The following ATP10D variants were observed in gnomAD, a reference collection of about 807,000 sequenced individuals.
ATP10D encodes the protein phospholipid-transporting ATPase VD.
Under a neutral mutation model 144.8 loss-of-function variants are expected in ATP10D, and 89 were observed. The observed-to-expected ratio is 0.61, with a 90% CI of 0.52 to 0.73. The LOEUF (loss-of-function observed/expected upper bound fraction) is 0.73. ATP10D is among the 30% of genes least tolerant of loss of function. The pLI is 0.00. For missense variants in ATP10D, 1,603 were observed against 1,714.8 expected, an observed-to-expected ratio of 0.93 and a Z score of 1.15; for synonymous variants, 571 against 615.1, an observed-to-expected ratio of 0.93 and a Z score of 1.06.
chr4:47,590,490 G>T (rs372075863), intron 22 of ATP10D, among the ~76,000 whole-genome samples: 14 of 152,236 alleles, frequency 9.2e-5, no homozygotes, highest in African/African-American at 3.4e-4. Context: ...ACCAGGAAAA[G>T]AAATGAGGTT....
chr4:47,590,967 G>C, intron 22 of ATP10D, 75 bp from the exon 23 acceptor site: 1 of 1,084,758 alleles, frequency 9.2e-7, no homozygotes, highest in Non-Finnish European at 1.3e-6. Context: ...TTTTTAATTC[G>C]TTAGTATTTG....
chr4:47,489,017 A>G (rs1254162079), intron 1 of ATP10D, among the ~76,000 whole-genome samples: 1 of 152,212 alleles, frequency 6.6e-6, no homozygotes, highest in Non-Finnish European at 1.5e-5. Flanking sequence ...TTGATTGTTT[A>G]CAAATCACCT....
At chr4:47,507,960 G>C (rs183221605) in intron 1 of ATP10D, among the ~76,000 whole-genome samples, 2 of 152,178 alleles carry the variant, frequency 1.3e-5, no homozygotes, top group South Asian at 4.1e-4. Flanking sequence ...GAGGTGCAAA[G>C]TGTACACTAT....
chr4:47,542,382 CCACCA>C (rs1718182581), intron 9 of ATP10D, among the ~76,000 whole-genome samples: 1 of 152,002 alleles, frequency 6.6e-6, no homozygotes, highest in African/African-American at 2.4e-5. Flanking sequence ...CAGGTGTAAG[CCACCA>C]CACCTGGCTT....
intron 1 of ATP10D, among the ~76,000 whole-genome samples, chr4:47,509,190 C>A (rs540971436): frequency 6.6e-6 from 1 of 152,232 alleles, no homozygotes; most frequent in African/African-American, 2.4e-5. Context: ...ATTCTGTTTT[C>A]TTCTTCTTTT....
At chr4:47,516,406 A>G (rs1162071042) in intron 3 of ATP10D, among the ~76,000 whole-genome samples, 1 of 152,202 alleles carries the variant, frequency 6.6e-6, no homozygotes, top group African/African-American at 2.4e-5. Flanking sequence ...TAGAGAGTCT[A>G]TGTAGCCAAG....
chr4:47,504,587 G>T (rs1220593802), intron 1 of ATP10D, among the ~76,000 whole-genome samples: 1 of 152,002 alleles, frequency 6.6e-6, no homozygotes, highest in East Asian at 1.9e-4. Context: ...TTTTGAGATG[G>T]AGTCTCACTC....
At chr4:47,579,675 C>G (rs1720412994) in intron 19 of ATP10D, among the ~76,000 whole-genome samples, 2 of 152,180 alleles carry the variant, frequency 1.3e-5, no homozygotes, top group Admixed American at 6.5e-5. Flanking sequence ...GTTGCAGAAT[C>G]AAAACGGCAA....
rs1717872054 is a variant in ATP10D at position 47,536,736 on chromosome 4, A to G, written c.1194A>G (p.Gly398=). The G allele has an allele frequency of 1.2e-6, 2 of 1,613,282 alleles. No individual in the cohort carries two copies. Among genetic ancestry groups the G allele is most frequent in the Non-Finnish European group, 1.7e-6 (2 of 1,179,654 alleles). The change falls in exon 9 of 23, where the codon GGA becomes GGG. Residue 398 remains glycine, a synonymous_variant. Transcript: ENST00000273859. ...TTTCCATCGAAATTGTGAAGCTTGG[A>G]CAAATATATTTCATTCAAAGTGATG... ...LYVSIEIVKL[G]QIYFIQSDVD...
At chr4:47,523,255 T>A (rs1440434023) in intron 4 of ATP10D, 39 bp downstream of exon 4, 1 of 1,536,076 alleles carries the variant, frequency 6.5e-7, no homozygotes, top group Non-Finnish European at 9.0e-7. Context: ...TATTAACATT[T>A]TTTTTCAGAA....
Position 47,551,181 on chromosome 4 carries a change from C to G in ATP10D, c.1636-3545C>G, listed in dbSNP as rs150775573. On this transcript the variant is annotated intron_variant, in intron 10 of 22. Transcript: ENST00000273859. The stretch of plus-strand genomic sequence containing the variant: ...CCCCGTGTTTAAAGGTGGAAGCAGT[C>G]ACCTTCCCAGCTAGGCTTAGGGATT... 2.1e-3 allele frequency among the ~76,000 whole-genome samples: 320 copies of G among 152,300 alleles called. 3 individuals are homozygous for G. Among genetic ancestry groups the G allele is most frequent in the Middle Eastern group, 6.8e-3 (2 of 294 alleles).
In ATP10D at chr4:47,486,537, C is replaced by T. The variant is rs139737899; in HGVS notation, c.-38+1018C>T. On this transcript the variant is annotated intron_variant, in intron 1 of 22. Coordinates refer to ENST00000273859, the MANE Select transcript of ATP10D (RefSeq NM_020453.4). The stretch of plus-strand genomic sequence containing the variant: ...GTCACATTTCTGTGAAGAATAGCAT[C>T]ATCGAAAACCCTTGCTGACTTGTGA... Among the ~76,000 whole-genome samples, 579 of 152,276 alleles carry T rather than the reference C, an allele frequency of 3.8e-3. 1 individual carries two copies. The highest frequency in any genetic ancestry group is 5.6e-3 in the Non-Finnish European group (382 of 68,026).
At chr4:47,572,796 T>C in intron 17 of ATP10D, 76 bp from the exon 18 acceptor site, 1 of 1,584,510 alleles carries the variant, frequency 6.3e-7, no homozygotes, top group Non-Finnish European at 8.6e-7. Flanking sequence ...GCCTAGGGTT[T>C]CCCAAGAATT....
chr4:47,506,895 A>G (rs750256230), intron 1 of ATP10D, among the ~76,000 whole-genome samples: 1 of 152,202 alleles, frequency 6.6e-6, no homozygotes, highest in Non-Finnish European at 1.5e-5. Flanking sequence ...AGAATTATGA[A>G]TGATGTTTCT....
intron 9 of ATP10D, among the ~76,000 whole-genome samples, chr4:47,538,988 T>C (rs901387831): frequency 6.6e-6 from 1 of 152,160 alleles, no homozygotes; most frequent in African/African-American, 2.4e-5. Context: ...GCAAAATCCT[T>C]CCACTTCTGC....
Position 47,536,953 on chromosome 4 carries a change from T to C in ATP10D, c.1396+15T>C. On this transcript the variant is annotated intron_variant, in intron 9 of 22. Transcript: ENST00000273859. ...TGAAGAAAATGGTGAGTGTTGGATT[T>C]CCGTGAAAACCAACCTTAGCATTGG... The C allele has an allele frequency of 1.3e-6, 2 of 1,591,660 alleles. No homozygotes were observed. Among genetic ancestry groups the C allele is most frequent in the Non-Finnish European group, 1.7e-6 (2 of 1,170,382 alleles).
chr4:47,557,652 T>C lies in ATP10D; in HGVS notation c.1825-12T>C. On this transcript the variant is annotated splice_polypyrimidine_tract_variant and intron_variant, in intron 11 of 22. Transcript: ENST00000273859. ...TGACTGTATTGAGACCTTTCTAAATTGTCTTTCATAGATCAGACACCCTTC... is the reference window on the plus strand; with the variant it reads ...TGACTGTATTGAGACCTTTCTAAATCGTCTTTCATAGATCAGACACCCTTC... 1 of 1,581,468 alleles carries C rather than the reference T, an allele frequency of 6.3e-7. No individual in the cohort carries two copies. Among genetic ancestry groups the C allele is most frequent in the East Asian group, 2.3e-5 (1 of 44,322 alleles).
At chr4:47,555,003 TA>T in intron 11 of ATP10D, 89 bp downstream of exon 11, 3 of 1,068,324 alleles carry the variant, frequency 2.8e-6, no homozygotes, top group South Asian at 3.0e-5. Context: ...GATATATGGA[TA>T]AAAATGATAA....
chr4:47,546,665 G>C lies in ATP10D; in HGVS notation c.1438G>C (p.Glu480Gln). The stretch of plus-strand genomic sequence containing the variant: ...CTATCAGGAAGCTGTCTCTGAAGAT[G>C]AAGATTTTATAGACACAGTCAGTGG... ...ESYQEAVSED[E>Q]DFIDTVSGSL... The change falls in exon 10 of 23, where the codon GAA (glutamate) becomes CAA (glutamine). Residue 480 changes from glutamate to glutamine, a missense_variant. Transcript: ENST00000273859. The C allele has an allele frequency of 2.5e-6, 4 of 1,614,130 alleles. No homozygotes were observed. The highest frequency in any genetic ancestry group is 3.4e-6 in the Non-Finnish European group (4 of 1,179,964).
Sources: gnomAD v4.1 joint callset for allele counts (sites outside exome capture counted in the v4.1 genomes callset) on GRCh38, gnomAD v4.1.1 for gene constraint, MANE v1.5 for transcripts, NCBI Gene and HGNC (gene_info 2026-07-23, HGNC 2026-07-21) for gene names.